Variants in LRRTM4 observed in about 807,000 individuals in gnomAD.
LRRTM4 encodes leucine rich repeat transmembrane neuronal 4.
A neutral mutation model predicts 47.6 loss-of-function variants in LRRTM4; 25 were observed. The ratio of observed to expected loss-of-function variants is 0.53; its 90% confidence interval spans 0.38 to 0.73. The LOEUF (loss-of-function observed/expected upper bound fraction) is 0.73, where lower values mean the gene tolerates loss of function less well. Among genes scored for constraint, LRRTM4 ranks in the 30% least tolerant of loss-of-function variants. LRRTM4 has a pLI of 0.00. For missense variants in LRRTM4, 638 were observed against 713.4 expected, an observed-to-expected ratio of 0.89 and a Z score of 1.20; for synonymous variants, 311 against 269.5, an observed-to-expected ratio of 1.15 and a Z score of -1.51.
chr2:77,283,332 C>T (rs2104105484), intron 3 of LRRTM4, among the ~76,000 whole-genome samples: 1 of 152,026 alleles, frequency 6.6e-6, no homozygotes, highest in African/African-American at 2.4e-5. Context: ...ACAAGAGATT[C>T]TGGTGGGGCT....
At chr2:76,762,681 C>A (rs1673300805) in intron 3 of LRRTM4, among the ~76,000 whole-genome samples, 1 of 152,130 alleles carries the variant, frequency 6.6e-6, no homozygotes, top group African/African-American at 2.4e-5. Flanking sequence ...TTAAGTAGGA[C>A]AGGTGTGGTG....
At chr2:76,932,172 G>T (rs76431020) in intron 3 of LRRTM4, among the ~76,000 whole-genome samples, 2,711 of 152,174 alleles carry the variant, frequency 0.018, 71 homozygotes, top group African/African-American at 0.057. Context: ...ATCATATCCA[G>T]ATGTGATCAC....
At chr2:77,240,630 T>C (rs890174966) in intron 3 of LRRTM4, among the ~76,000 whole-genome samples, 2 of 151,964 alleles carry the variant, frequency 1.3e-5, no homozygotes, top group South Asian at 2.1e-4. Context: ...TGGTATTTAT[T>C]TGAAGACAAC....
intron 3 of LRRTM4, among the ~76,000 whole-genome samples, chr2:77,094,553 T>C (rs957625019): frequency 3.3e-5 from 5 of 152,052 alleles, no homozygotes; most frequent in Non-Finnish European, 7.4e-5. Context: ...GTAATAGAAA[T>C]AGTATGATAC....
intron 3 of LRRTM4, among the ~76,000 whole-genome samples, chr2:77,280,520 T>C (rs997785529): frequency 1.3e-5 from 2 of 152,072 alleles, no homozygotes; most frequent in Non-Finnish European, 2.9e-5. Flanking sequence ...TTCATTGCTA[T>C]AATTAATTAA....
chr2:77,270,889 C>T (rs1207085221), intron 3 of LRRTM4, among the ~76,000 whole-genome samples: 1 of 152,194 alleles, frequency 6.6e-6, no homozygotes, highest in African/African-American at 2.4e-5. Flanking sequence ...GCCGTGCCCA[C>T]TTTAGAGTTG....
chr2:77,119,734 C>A (rs1038564222), intron 3 of LRRTM4, among the ~76,000 whole-genome samples: 1 of 151,792 alleles, frequency 6.6e-6, no homozygotes, highest in Non-Finnish European at 1.5e-5. Context: ...ATGTGGCTTA[C>A]ATACATAGAA....
intron 3 of LRRTM4, among the ~76,000 whole-genome samples, chr2:76,830,803 G>A (rs1250524581): frequency 1.3e-5 from 2 of 151,944 alleles, no homozygotes; most frequent in Non-Finnish European, 2.9e-5. Flanking sequence ...ATTTAAAGTA[G>A]AGCAGGTGAG....
At chr2:77,430,720 T>C (rs1193047360) in intron 3 of LRRTM4, among the ~76,000 whole-genome samples, 1 of 85,212 alleles carries the variant, frequency 1.2e-5, no homozygotes, top group East Asian at 2.8e-4. Context: ...AAACTCTGTC[T>C]CAAAAAAAAA....
intron 3 of LRRTM4, among the ~76,000 whole-genome samples, chr2:77,253,341 C>T (rs1675674399): frequency 6.6e-6 from 1 of 152,084 alleles, no homozygotes; most frequent in African/African-American, 2.4e-5. Context: ...TACCACCACT[C>T]AGTAGTAAAG....
chr2:77,298,810 T>A (rs2104154854), intron 3 of LRRTM4, among the ~76,000 whole-genome samples: 1 of 152,306 alleles, frequency 6.6e-6, no homozygotes, highest in African/African-American at 2.4e-5. Context: ...ATAACTTGAA[T>A]AAAAGCAATG....
chr2:77,241,276 G>A (rs147822329), intron 3 of LRRTM4, among the ~76,000 whole-genome samples: 239 of 151,092 alleles, frequency 1.6e-3, no homozygotes, highest in African/African-American at 5.4e-3. Flanking sequence ...AAATATAAAT[G>A]GTTGATTGGT....
chr2:77,475,864 T>C (rs1677367354), intron 3 of LRRTM4, among the ~76,000 whole-genome samples: 1 of 151,974 alleles, frequency 6.6e-6, no homozygotes, highest in African/African-American at 2.4e-5. Context: ...ATTTCTTTTT[T>C]CCCTCAGATT....
Position 76,748,726 on chromosome 2 carries a change from G to T in LRRTM4, c.1742C>A (p.Pro581Gln). ...TGCAATTCTCTCTAGGTAGATGGCC[G>T]GTGCTGCCGACCTGGCGATGGTGGC... is the stretch of plus-strand genomic sequence containing the variant. Reference protein sequence around the residue: ...FIATIARSAAPAIYLERIAN With the variant: ...FIATIARSAAQAIYLERIAN Residue 581 changes from proline (P) to glutamine (Q), a missense_variant, in exon 4 of 4, where the codon CCG becomes CAG. Physicochemically the swap from Pro to Gln is moderately conservative, Grantham distance 76 (BLOSUM62 -1). Transcript: ENST00000409884. The T allele has an allele frequency of 6.2e-7, 1 of 1,612,680 alleles. No homozygotes were observed. Among genetic ancestry groups the T allele is most frequent in the South Asian group, 1.1e-5 (1 of 91,020 alleles).
chr2:76,804,677 ATATT>A (rs1291460768), intron 3 of LRRTM4, among the ~76,000 whole-genome samples: 4 of 147,984 alleles, frequency 2.7e-5, no homozygotes, highest in Non-Finnish European at 6.0e-5. Flanking sequence ...TAAAAAATAT[ATATT>A]TATACATATA....
chr2:77,331,755 C>T (rs992085106), intron 3 of LRRTM4, among the ~76,000 whole-genome samples: 4 of 152,106 alleles, frequency 2.6e-5, no homozygotes, highest in African/African-American at 4.8e-5. Context: ...CTCATGATTA[C>T]TTCTATTCTG....
At chr2:77,491,379 A>G (rs1257372353) in intron 3 of LRRTM4, among the ~76,000 whole-genome samples, 4 of 152,206 alleles carry the variant, frequency 2.6e-5, no homozygotes, top group Non-Finnish European at 4.4e-5. Flanking sequence ...ATCAGATGGA[A>G]ATTAGAAATG....
chr2:76,968,059 C>T (rs929552670), intron 3 of LRRTM4, among the ~76,000 whole-genome samples: 13 of 150,734 alleles, frequency 8.6e-5, no homozygotes, highest in African/African-American at 3.2e-4. Context: ...TATAAGTAAG[C>T]AAAATGAAGT....
intron 3 of LRRTM4, among the ~76,000 whole-genome samples, chr2:77,249,684 G>A (rs1675550270): frequency 6.6e-6 from 1 of 152,216 alleles, no homozygotes; most frequent in South Asian, 2.1e-4. Context: ...TGGCAGGAAT[G>A]TGGTGGAACA....
Sources: allele counts gnomAD v4.1 joint callset (sites outside exome capture counted in the v4.1 genomes callset), GRCh38; gene constraint gnomAD v4.1.1; transcripts MANE v1.5; gene names NCBI Gene and HGNC (gene_info 2026-07-23, HGNC 2026-07-21).